Variants in PDIA6 observed in about 807,000 individuals in gnomAD.
PDIA6 encodes protein disulfide isomerase family A member 6.
PDIA6 carries 29 observed loss-of-function variants against 58.4 expected under a neutral mutation model. The ratio of observed to expected loss-of-function variants is 0.50; its 90% CI spans 0.37 to 0.68. The LOEUF is 0.68. Ranked by LOEUF, PDIA6 falls within the 30% of genes least tolerant of loss-of-function variation. The pLI, the probability that PDIA6 is intolerant of heterozygous loss-of-function variation, is 0.00. For synonymous variants in PDIA6, 192 were observed against 202.6 expected, an observed-to-expected ratio of 0.95 and a Z score of 0.44; for missense variants, 480 against 551.0, an observed-to-expected ratio of 0.87 and a Z score of 1.29.
intron 4 of PDIA6, among the ~76,000 whole-genome samples, chr2:10,796,073 T>TCC (rs1666252834): frequency 8.1e-6 from 1 of 123,040 alleles, no homozygotes; most frequent in African/African-American, 2.7e-5. Flanking sequence ...TTTTTTTTTT[T>TCC]TTTTTTGAGA....
rs1199521462 is a variant in PDIA6, at chr2:10,802,568, G to A, written c.92C>T (p.Thr31Ile). 2 of 1,490,326 alleles carry A rather than the reference G, an allele frequency of 1.3e-6. No homozygotes were observed. Among genetic ancestry groups the A allele is most frequent in the Admixed American group, 4.5e-5 (2 of 44,554 alleles). The allele number at this position is 1,490,326 out of a possible 1,614,324, so 92.3% of individuals were successfully genotyped here. A position where few individuals can be genotyped will look rare whatever the true frequency, so the allele number is the denominator to read the frequency against. The change falls in exon 2 of 13, where the codon ACT becomes ATT. Residue 31 changes from threonine to isoleucine, a missense_variant. By Grantham distance (89) the Thr-to-Ile change is moderately conservative. Coordinates refer to ENST00000272227, the MANE Select transcript of PDIA6 (RefSeq NM_005742.4). ...YSSSDDVIEL[T>I]PSNFNREVIQ... ...AACTTCTCGGTTGAAATTCGATGGAGTTAATTCGATCACATCATCACTAGA... is the reference window on the plus strand; with the variant it reads ...AACTTCTCGGTTGAAATTCGATGGAATTAATTCGATCACATCATCACTAGA...
chr2:10,836,559 A>G (rs1667836412), upstream of PDIA6, among the ~76,000 whole-genome samples: 1 of 145,664 alleles, frequency 6.9e-6, no homozygotes, highest in South Asian at 2.2e-4. Flanking sequence ...TTTTTTTTTA[A>G]TTAAGAGATC....
intron 1 of PDIA6, among the ~76,000 whole-genome samples, chr2:10,827,451 A>G (rs2969886): frequency 0.63 from 96,465 of 152,066 alleles, 30,849 homozygotes; most frequent in East Asian, 0.8. Context: ...ATGTGCTGGC[A>G]ACATCTGTCT....
chr2:10,836,488 AAG>A (rs1667834633), upstream of PDIA6, among the ~76,000 whole-genome samples: 1 of 151,650 alleles, frequency 6.6e-6, no homozygotes, highest in African/African-American at 2.4e-5. Context: ...GCTGAGATTA[AAG>A]GCATGAGCCA....
exon 1 of PDIA6, chr2:10,832,430 T>C: frequency 3.0e-6 from 3 of 985,486 alleles, no homozygotes; most frequent in Non-Finnish European, 3.6e-6. Context: ...ATTCTATTAA[T>C]TCCTGTTTGA....
In PDIA6 at chr2:10,788,972, C is replaced by T. The variant is rs1234280948; in HGVS notation, c.850G>A (p.Glu284Lys). The T allele has an allele frequency of 3.7e-6, 6 of 1,613,560 alleles. No homozygotes were observed. The highest frequency in any genetic ancestry group is 2.2e-5 in the South Asian group (2 of 91,086). ...TCACACGTCCTCTTGGCAATGTCCT[C>T]GTTGATAATCTGTGGGACCCAAAAG... ...PPPELLEIIN[E>K]DIAKRTCEEH... Residue 284 changes from glutamate to lysine, a missense_variant, in exon 9 of 13, where the codon GAG becomes AAG. Transcript: ENST00000272227.
At chr2:10,790,941 C>T (rs1015206814) in intron 6 of PDIA6, 108 bp from the exon 7 acceptor site, 3 of 721,638 alleles carry the variant, frequency 4.2e-6, no homozygotes, top group Admixed American at 2.1e-5. Flanking sequence ...CCTCAATCTC[C>T]TGGGCTCAGG....
chr2:10,816,539 T>TTTTTTTG, upstream of PDIA6, among the ~76,000 whole-genome samples: 2 of 151,662 alleles, frequency 1.3e-5, no homozygotes, highest in African/African-American at 4.8e-5. Context: ...TTTTTTTTTT[T>TTTTTTTG]TGGCATTGAC....
intron 7 of PDIA6, 52 bp from the exon 8 acceptor site, chr2:10,789,941 AAC>A (rs1421333345): frequency 2.0e-6 from 3 of 1,522,620 alleles, no homozygotes; most frequent in Non-Finnish European, 2.7e-6. Context: ...AATGCAAAAT[AAC>A]ACAATCTTTA....
intron 3 of PDIA6, 103 bp from the exon 4 acceptor site, chr2:10,797,310 A>T: frequency 8.4e-7 from 1 of 1,196,324 alleles, no homozygotes. Flanking sequence ...GTAATAAAGC[A>T]CAGGGTGCAG....
chr2:10,783,602 A>G lies in PDIA6; in HGVS notation c.*656T>C, dbSNP rs185405157. 5.4e-4 allele frequency: 102 copies of G among 190,276 alleles called. No homozygotes were observed. The highest frequency in any genetic ancestry group is 2.1e-3 in the African/African-American group (89 of 42,108). 11.8% of individuals were successfully genotyped at this position (190,276 alleles called of 1,614,324 possible). On this transcript the variant is annotated 3_prime_UTR_variant, in exon 13 of 13. Transcript: ENST00000272227. ...AAAGCCTTGAACTGTATAACCAGCTAGATTCCTTAATAATTAGTCACTAGA... is the reference window on the plus strand; with the variant it reads ...AAAGCCTTGAACTGTATAACCAGCTGGATTCCTTAATAATTAGTCACTAGA...
Position 10,784,178 on chromosome 2 carries a change from G to T in PDIA6, c.*80C>A, listed in dbSNP as rs1665577861. 1.9e-6 allele frequency: 2 copies of T among 1,051,660 alleles called. No individual in the cohort carries two copies. The highest frequency in any genetic ancestry group is 2.9e-6 in the Non-Finnish European group (2 of 699,624). The allele number at this position is 1,051,660 out of a possible 1,614,324, so 65.1% of individuals were successfully genotyped here. On this transcript the variant is annotated 3_prime_UTR_variant, in exon 13 of 13. Coordinates refer to ENST00000272227, the MANE Select transcript of PDIA6 (RefSeq NM_005742.4). Reference sequence around the variant, plus strand: ...AGGCCACTGGTAGAGTCATCTGAGTGTAGAGAATGTCCCTTCACTGCTGGA... The same window carrying T: ...AGGCCACTGGTAGAGTCATCTGAGTTTAGAGAATGTCCCTTCACTGCTGGA...
chr2:10,826,817 C>T (rs959992275), intron 1 of PDIA6, among the ~76,000 whole-genome samples: 2 of 152,156 alleles, frequency 1.3e-5, no homozygotes, highest in South Asian at 4.1e-4. Flanking sequence ...CTGACGTCAC[C>T]TCAAACCCCT....
At chr2:10,836,172 C>T (rs1369329611), upstream of PDIA6, among the ~76,000 whole-genome samples, 1 of 152,160 alleles carries the variant, frequency 6.6e-6, no homozygotes, top group Non-Finnish European at 1.5e-5. Flanking sequence ...GAGATCAACC[C>T]CTACTTTTCC....
rs1416342010 is a variant in PDIA6, at chr2:10,804,041, C to T, written c.20-1401G>A. Among the ~76,000 whole-genome samples the T allele has an allele frequency of 9.9e-5, 15 of 150,824 alleles. No individual in the cohort carries two copies. The South Asian group carries it at 1.5e-3, about 15-fold the overall frequency. ...CTCCTGCCTCAACCTCCTGAGTAAC[C>T]GGGACTACAGGCGCCTGCCACCACG... On this transcript the variant is annotated intron_variant, in intron 1 of 12. Transcript: ENST00000272227.
At chr2:10,819,089 C>T (rs1207681343) in intron 2 of PDIA6, among the ~76,000 whole-genome samples, 1 of 152,006 alleles carries the variant, frequency 6.6e-6, no homozygotes, top group Non-Finnish European at 1.5e-5. Context: ...CTAACGTCTT[C>T]AAGGTCCATT....
At chr2:10,812,433 C>T (rs1445112284) in intron 1 of PDIA6, among the ~76,000 whole-genome samples, 1 of 151,902 alleles carries the variant, frequency 6.6e-6, no homozygotes, top group African/African-American at 2.4e-5. Flanking sequence ...CCGGCTCCAG[C>T]GCACGAGGCT....
upstream of PDIA6, chr2:10,832,600 G>T: frequency 5.8e-6 from 1 of 171,998 alleles, no homozygotes; most frequent in Non-Finnish European, 1.2e-5. Flanking sequence ...GCTTTTCTCT[G>T]TATGTGCTGT....
chr2:10,818,829 C>T (rs1667297994), intron 2 of PDIA6, among the ~76,000 whole-genome samples: 1 of 152,032 alleles, frequency 6.6e-6, no homozygotes. Flanking sequence ...GGCCTTTAAC[C>T]ATTTTTAAGT....
Sources: allele counts gnomAD v4.1 joint callset (sites outside exome capture counted in the v4.1 genomes callset), GRCh38; gene constraint gnomAD v4.1.1; transcripts MANE v1.5; gene names NCBI Gene and HGNC (gene_info 2026-07-23, HGNC 2026-07-21).